HEATR4: variants seen among roughly 807,000 people sequenced by gnomAD.
The protein encoded by HEATR4 is HEAT repeat-containing protein 4.
A neutral mutation model predicts 108.8 loss-of-function variants in HEATR4; 95 were observed. The ratio of observed to expected loss-of-function variants is 0.87; its 90% CI spans 0.74 to 1.04. The LOEUF (loss-of-function observed/expected upper bound fraction) is 1.04. Among genes scored for constraint, HEATR4 ranks in the 50% least tolerant of loss-of-function variants. HEATR4 has a pLI of 0.00. For synonymous variants in HEATR4, 443 were observed against 459.4 expected, an observed-to-expected ratio of 0.96 and a Z score of 0.46; for missense variants, 1,152 against 1,253.8, an observed-to-expected ratio of 0.92 and a Z score of 1.23.
At chr14:73,593,953 T>G in the HEATR4 span, 2 of 1,496,556 alleles carry the variant, frequency 1.3e-6, no homozygotes, top group Non-Finnish European at 1.8e-6. Context: ...AATATTTCCA[T>G]AGAGAGTGTA....
chr14:73,540,603 G>A (rs1279509167), intron 1 of HEATR4, among the ~76,000 whole-genome samples: 9 of 111,434 alleles, frequency 8.1e-5, no homozygotes, highest in Non-Finnish European at 9.5e-5. Context: ...ATACTATGAA[G>A]AAAACCAAGA....
chr14:73,506,823 T>TTTTTTTTTTTTTTG (rs1886885322), intron 9 of HEATR4, among the ~76,000 whole-genome samples: 1 of 138,132 alleles, frequency 7.2e-6, no homozygotes, highest in African/African-American at 3.2e-5. Context: ...TTTTTTTTTT[T>TTTTTTTTTTTTTTG]TTCTGAGAAG....
At chr14:73,521,309 T>A (rs1595132702) in intron 3 of HEATR4, among the ~76,000 whole-genome samples, 1 of 152,092 alleles carries the variant, frequency 6.6e-6, no homozygotes, top group Non-Finnish European at 1.5e-5. Flanking sequence ...AGAGTGGCGG[T>A]GCTCCAGCAT....
At position 73,492,995 on chromosome 14, in the gene HEATR4, C is replaced by G; in HGVS notation, c.2844+71G>C. The G allele has an allele frequency of 6.6e-7, 1 of 1,516,088 alleles. No individual in the cohort carries two copies. Among genetic ancestry groups the G allele is most frequent in the Non-Finnish European group, 8.8e-7 (1 of 1,139,234 alleles). The allele number at this position is 1,516,088 out of a possible 1,614,324, so 93.9% of individuals were successfully genotyped here. Reference sequence around the variant, plus strand: ...CAGTAGTGATTCTCCGCTGCCACTGCTACCTTTTTTTTTTTTTTTTCCTTA... The same window carrying G: ...CAGTAGTGATTCTCCGCTGCCACTGGTACCTTTTTTTTTTTTTTTTCCTTA... On this transcript the variant is annotated intron_variant, in intron 17 of 17. Coordinates refer to ENST00000553558, the MANE Select transcript of HEATR4 (RefSeq NM_001220484.1). This position sits in a 1 kb window ranked among gnomAD's most constrained non-coding sequence, Gnocchi z 4.9.
At chr14:73,490,985 C>G (rs748143423) in intron 17 of HEATR4, 65 of 1,330,584 alleles carry the variant, frequency 4.9e-5, no homozygotes, top group Non-Finnish European at 5.9e-5. Flanking sequence ...CGCCCCCGGC[C>G]GGCCGGGCGG....
At chr14:73,499,681 C>A (rs1886319775) in intron 12 of HEATR4, among the ~76,000 whole-genome samples, 3 of 152,098 alleles carry the variant, frequency 2.0e-5, no homozygotes, top group African/African-American at 7.2e-5. Context: ...AGATCTGGGG[C>A]CATATGGCTT....
chr14:73,485,287 C>T (rs1360734743), intron 17 of HEATR4, among the ~76,000 whole-genome samples: 11 of 152,104 alleles, frequency 7.2e-5, no homozygotes, highest in Non-Finnish European at 1.3e-4. Context: ...ACGTTATAGA[C>T]ATTTCCTTGT....
At chr14:73,485,557 C>A (rs1885419974) in intron 17 of HEATR4, among the ~76,000 whole-genome samples, 1 of 152,072 alleles carries the variant, frequency 6.6e-6, no homozygotes, top group South Asian at 2.1e-4. Flanking sequence ...TGTACATCAC[C>A]ATGCCTGGCT....
chr14:73,592,087 G>T, the HEATR4 span: 1 of 1,490,432 alleles, frequency 6.7e-7, no homozygotes, highest in Non-Finnish European at 8.9e-7. Context: ...GACGAGAAGG[G>T]CGCGCTCTTC....
rs747285697 is a variant in HEATR4 at position 73,522,414 on chromosome 14, G to T, written c.739C>A (p.Arg247=). ...LRQQYDWSHI[R]DELTSASDLE... Reference sequence around the variant, plus strand: ...TCACTGGCAGAGGTAAGCTCATCCCGAATGTGACTCCAGTCGTACTGCTGG... The same window carrying T: ...TCACTGGCAGAGGTAAGCTCATCCCTAATGTGACTCCAGTCGTACTGCTGG... Residue 247 remains arginine (R), a synonymous_variant, in exon 3 of 18, where the codon CGG becomes AGG. Coordinates refer to ENST00000553558, the MANE Select transcript of HEATR4 (RefSeq NM_001220484.1). The T allele has an allele frequency of 6.2e-7, 1 of 1,614,226 alleles. No homozygotes were observed. Among genetic ancestry groups the T allele is most frequent in the Non-Finnish European group, 8.5e-7 (1 of 1,180,042 alleles).
chr14:73,583,964 G>A, the HEATR4 span, among the ~76,000 whole-genome samples: 2,938 of 151,782 alleles, frequency 0.019, 82 homozygotes, highest in African/African-American at 0.059. Context: ...CCACGCCATT[G>A]CACTCCAGCC....
rs1885591981 is a variant in HEATR4 at position 73,489,562 on chromosome 14, A to G, written c.2844+3504T>C. Among the ~76,000 whole-genome samples the G allele has an allele frequency of 2.0e-5, 3 of 152,192 alleles. No individual in the cohort carries two copies. The South Asian group carries it at 6.2e-4, about 31-fold the overall frequency. On this transcript the variant is annotated intron_variant, in intron 17 of 17. Transcript: ENST00000553558. The stretch of plus-strand genomic sequence containing the variant: ...TCTTACTTTTTGACCCAGCACTTTT[A>G]TTTCTGGGAGTTTATCTTAAATGAT...
At chr14:73,610,704 T>C in the HEATR4 span, among the ~76,000 whole-genome samples, 4 of 152,222 alleles carry the variant, frequency 2.6e-5, no homozygotes, top group African/African-American at 9.6e-5. Context: ...GGGGATGGAC[T>C]GCAGGGCAGT....
rs149945107 is a variant in HEATR4 at position 73,516,147 on chromosome 14, C to CAA, written c.1211-1915_1211-1914dup. The stretch of plus-strand genomic sequence containing the variant: ...AGCCATCTTCCACATCAACAGTCAT[C>CAA]AAAAAAAAAAAAAAAAAAAAAAAAA... On this transcript the variant is annotated intron_variant, in intron 5 of 17. Coordinates refer to ENST00000553558, the MANE Select transcript of HEATR4 (RefSeq NM_001220484.1). Among the ~76,000 whole-genome samples the CAA allele has an allele frequency of 6.6e-4, 6 of 9,156 alleles. 1 individual carries two copies. The highest frequency in any genetic ancestry group is 7.7e-4 in the Non-Finnish European group (5 of 6,518). 6.0% of individuals were successfully genotyped at this position (9,156 alleles called of 152,430 possible).
intron 17 of HEATR4, among the ~76,000 whole-genome samples, chr14:73,481,170 G>A (rs1235442119): frequency 6.6e-6 from 1 of 152,182 alleles, no homozygotes; most frequent in Non-Finnish European, 1.5e-5. Flanking sequence ...CCAGGAGGTT[G>A]GCTGACGCCT....
At chr14:73,569,938 T>C in the HEATR4 span, 19 of 1,545,688 alleles carry the variant, frequency 1.2e-5, no homozygotes, top group East Asian at 2.1e-4. Context: ...TTTGTGTGTC[T>C]CCCCCGCCCC....
the HEATR4 span, among the ~76,000 whole-genome samples, chr14:73,600,681 C>T: frequency 6.6e-6 from 1 of 151,972 alleles, no homozygotes. Flanking sequence ...AAACTCCTGA[C>T]CTCAGGTGAT....
intron 17 of HEATR4, chr14:73,491,505 C>G (rs1009056807): frequency 1.3e-6 from 2 of 1,513,734 alleles, no homozygotes; most frequent in Admixed American, 4.2e-5. Flanking sequence ...TCGTCCGGGG[C>G]CCCTGCGACG....
Position 73,532,811 on chromosome 14 carries a change from C to G in HEATR4, c.-151-2567G>C, listed in dbSNP as rs1467949857. 9.8e-5 allele frequency among the ~76,000 whole-genome samples: 11 copies of G among 112,812 alleles called. 2 individuals carry two copies. Among genetic ancestry groups the G allele is most frequent in the African/African-American group, 3.2e-4 (11 of 34,630 alleles). The allele number at this position is 112,812 out of a possible 152,430, so 74.0% of individuals were successfully genotyped here. The stretch of plus-strand genomic sequence containing the variant: ...CTACTAAAACATACAAAAAAATTAG[C>G]CGGGTGTGGTGGTGGGCACCTGTAG... On this transcript the variant is annotated intron_variant, in intron 1 of 17. Coordinates refer to ENST00000553558, the MANE Select transcript of HEATR4 (RefSeq NM_001220484.1).
Sources: allele counts gnomAD v4.1 joint callset (sites outside exome capture counted in the v4.1 genomes callset), GRCh38; gene constraint gnomAD v4.1.1; non-coding constraint Gnocchi (gnomAD v3.1); transcripts MANE v1.5; gene names NCBI Gene and HGNC (gene_info 2026-07-23, HGNC 2026-07-21).